PC: variants seen among roughly 807,000 people sequenced by gnomAD.
The protein encoded by PC is pyruvate carboxylase.
Under a neutral mutation model 107.8 loss-of-function variants are expected in PC, and 46 were observed. That is an observed-to-expected ratio of 0.43 (90% CI 0.34 to 0.55). The LOEUF (loss-of-function observed/expected upper bound fraction) is 0.55, where lower values mean the gene tolerates loss of function less well. PC is among the 20% of genes least tolerant of loss of function. The pLI is 0.04. For missense variants in PC, 1,241 were observed against 1,643.1 expected (o/e 0.76, Z 4.23); for synonymous variants, 662 against 684.7 (o/e 0.97, Z 0.52).
In PC at chr11:66,885,487, T is replaced by TAA. The variant is rs35717036; in HGVS notation, c.1-13330_1-13329dup. On this transcript the variant is annotated intron_variant, in intron 3 of 22. Transcript: ENST00000393960. ...GCCTGGGCAACAGTGAGACTCTGTC[T>TAA]AAAAAAAAAAAAAAAAAAAAGTGAC... Among the ~76,000 whole-genome samples, 519 of 104,224 alleles carry TAA rather than the reference T, an allele frequency of 5.0e-3. 4 individuals are homozygous for TAA. The highest frequency in any genetic ancestry group is 0.017 in the African/African-American group (476 of 28,586). 68.4% of individuals were successfully genotyped at this position (104,224 alleles called of 152,430 possible).
intron 3 of PC, among the ~76,000 whole-genome samples, chr11:66,914,975 T>C (rs760521139): frequency 6.6e-6 from 1 of 152,080 alleles, no homozygotes; most frequent in African/African-American, 2.4e-5. Flanking sequence ...AAGGCTGCAG[T>C]GAGCTATGAT....
chr11:66,850,445 C>A lies in PC; in HGVS notation c.2493G>T (p.Val831=). 1 of 1,613,936 alleles carries A rather than the reference C, an allele frequency of 6.2e-7. No homozygotes were observed. Among genetic ancestry groups the A allele is most frequent in the Non-Finnish European group, 8.5e-7 (1 of 1,179,980 alleles). Residue 831 remains valine, a synonymous_variant, in exon 19 of 23, where the codon GTG becomes GTT. Coordinates refer to ENST00000393960, the MANE Select transcript of PC (RefSeq NM_001040716.2). The stretch of plus-strand genomic sequence containing the variant: ...CCTCCCAGTACTCACTGTAGTCAAA[C>A]ACGCGCTCCATGGGCACCTCTGCAG... ...PLDTEVPMER[V]FDYSEYWEGA...
chr11:66,940,856 G>A (rs1441585171), intron 3 of PC, among the ~76,000 whole-genome samples: 1 of 152,024 alleles, frequency 6.6e-6, no homozygotes, highest in Non-Finnish European at 1.5e-5. Context: ...GGGAGGCTGA[G>A]GCAGGTGGTC....
chr11:66,860,654 C>A (rs1281887931), intron 12 of PC: 1 of 701,684 alleles, frequency 1.4e-6, no homozygotes, highest in Non-Finnish European at 2.6e-6. Flanking sequence ...AAGGGCTGTG[C>A]CTGGTGTCTT....
rs1172575569 is a variant in PC, at chr11:66,851,007, A to T, written c.2223+33T>A. The T allele has an allele frequency of 3.1e-6, 5 of 1,610,968 alleles. No homozygotes were observed. The South Asian group carries it at 5.5e-5, about 18-fold the overall frequency. Reference sequence around the variant, plus strand: ...TGGGTGGCGGGGACATGGCCGGGGCAGAGAGGGAGGGACGGACAAGTGGCC... The same window carrying T: ...TGGGTGGCGGGGACATGGCCGGGGCTGAGAGGGAGGGACGGACAAGTGGCC... On this transcript the variant is annotated intron_variant, in intron 17 of 22. Coordinates refer to ENST00000393960, the MANE Select transcript of PC (RefSeq NM_001040716.2).
In PC at chr11:66,851,929, C is replaced by T. The variant is rs773466708; in HGVS notation, c.1843G>A (p.Ala615Thr). The T allele has an allele frequency of 1.7e-5, 27 of 1,613,864 alleles. No homozygotes were observed. Among genetic ancestry groups the T allele is most frequent in the Middle Eastern group, 1.6e-4 (1 of 6,074 alleles). ...ENWGGATFDV[A>T]MRFLYECPWR... ...GGGCACTCATACAGGAAGCGCATGG[C>T]GACGTCAAACGTGGCTCCTGCACAG... The change falls in exon 16 of 23, where the codon GCC becomes ACC. Residue 615 changes from alanine (A) to threonine (T), a missense_variant. By Grantham distance (58) the Ala-to-Thr change is moderately conservative. Coordinates refer to ENST00000393960, the MANE Select transcript of PC (RefSeq NM_001040716.2).
chr11:66,898,476 T>C (rs1436994226), intron 3 of PC, among the ~76,000 whole-genome samples: 3 of 152,080 alleles, frequency 2.0e-5, no homozygotes, highest in Non-Finnish European at 4.4e-5. Flanking sequence ...AGTCAGGAGT[T>C]TAAGACCAGC....
At position 66,849,829 on chromosome 11, in the gene PC, G is replaced by C; in HGVS notation, c.2929C>G (p.Arg977Gly). 1 of 1,613,788 alleles carries C rather than the reference G, an allele frequency of 6.2e-7. No individual in the cohort carries two copies. Among genetic ancestry groups the C allele is most frequent in the East Asian group, 2.2e-5 (1 of 44,880 alleles). Residue 977 changes from arginine to glycine, a missense_variant, in exon 21 of 23, where the codon CGG (arginine) becomes GGG (glycine). Transcript: ENST00000393960. ...AGGGGAGGGAGGGAGGCTCCAGGCC[G>C]CCCCTCCACCCTTGGCAGGTCCTTC... ...VLKDLPRVEGRPGASLPPLDL... is the reference protein window; with the variant it reads ...VLKDLPRVEGGPGASLPPLDL...
intron 3 of PC, among the ~76,000 whole-genome samples, chr11:66,949,293 G>A (rs779086971): frequency 6.6e-6 from 1 of 151,790 alleles, no homozygotes; most frequent in South Asian, 2.1e-4. Context: ...ACCATGCCCG[G>A]CCAGAAGAAT....
intron 3 of PC, among the ~76,000 whole-genome samples, chr11:66,928,428 G>A (rs1948771105): frequency 6.7e-6 from 1 of 149,432 alleles, no homozygotes; most frequent in African/African-American, 2.5e-5. Context: ...CCTGAAATTA[G>A]CACCTACCAA....
At position 66,848,742 on chromosome 11, in the gene PC, T is replaced by G. The variant is rs1945293034; in HGVS notation, c.*157A>C. On this transcript the variant is annotated 3_prime_UTR_variant, in exon 23 of 23. Coordinates refer to ENST00000393960, the MANE Select transcript of PC (RefSeq NM_001040716.2). ...AGGAAAGGACGATGGCTGAAAGGAA[T>G]GAACCACCGCAGGCGGTGTCTCTCC... The G allele has an allele frequency of 1.2e-6, 1 of 837,680 alleles. No homozygotes were observed. The highest frequency in any genetic ancestry group is 1.9e-6 in the Non-Finnish European group (1 of 517,934). 51.9% of individuals were successfully genotyped at this position (837,680 alleles called of 1,614,324 possible).
At chr11:66,892,569 G>A (rs1404793684) in intron 3 of PC, among the ~76,000 whole-genome samples, 11 of 152,284 alleles carry the variant, frequency 7.2e-5, no homozygotes, top group South Asian at 2.1e-4. Flanking sequence ...AAATGTCGCC[G>A]GGCGCGGTGG....
intron 3 of PC, among the ~76,000 whole-genome samples, chr11:66,918,176 C>T (rs1192775677): frequency 6.6e-6 from 1 of 152,072 alleles, no homozygotes; most frequent in East Asian, 1.9e-4. Context: ...ATTCCCAAGT[C>T]CTGTAGAAGG....
At position 66,851,875 on chromosome 11, in the gene PC, G is replaced by C. The variant is rs1435401823; in HGVS notation, c.1897C>G (p.Leu633Val). 1 of 1,614,074 alleles carries C rather than the reference G, an allele frequency of 6.2e-7. No individual in the cohort carries two copies. Among genetic ancestry groups the C allele is most frequent in the Admixed American group, 1.7e-5 (1 of 60,022 alleles). ...ATCTGGAAAGGGATGTTGGGGATGA[G>C]CTCCCGGAGCTCCTGCAGCCGCCGC... The part of the protein sequence containing the change: ...PWRRLQELRE[L>V]IPNIPFQMLL... Residue 633 changes from leucine (L) to valine (V), a missense_variant, in exon 16 of 23, where the codon CTC becomes GTC. Physicochemically the swap from Leu to Val is conservative, Grantham distance 32 (BLOSUM62 1). Around this residue, in one of 2 missense-constraint regions of PC, gnomAD observed 1,143 missense variants for 1,551.9 expected, o/e 0.74. Coordinates refer to ENST00000393960, the MANE Select transcript of PC (RefSeq NM_001040716.2).
chr11:66,880,773 G>A (rs968694840), intron 3 of PC, among the ~76,000 whole-genome samples: 26 of 152,296 alleles, frequency 1.7e-4, no homozygotes, highest in Middle Eastern at 3.4e-3. Flanking sequence ...CTCCCTCTGC[G>A]GTCCCATGCT....
At position 66,859,918 on chromosome 11, in the gene PC, C is replaced by T. The variant is rs762658093; in HGVS notation, c.1368+3856G>A. On this transcript the variant is annotated intron_variant, in intron 12 of 22. Coordinates refer to ENST00000393960, the MANE Select transcript of PC (RefSeq NM_001040716.2). ...GCCTTGCTGGTTCGGGGCCGGGGGG[C>T]CGGAAATGGCCGCCTCCCCCTCAAG... 5.1e-6 allele frequency: 8 copies of T among 1,582,870 alleles called. No individual in the cohort carries two copies. The East Asian group carries it at 9.0e-5, about 18-fold the overall frequency.
In PC at chr11:66,850,921, G is replaced by A. The variant is rs1445463369; in HGVS notation, c.2226C>T (p.Asp742=). ...CCGTGGGCTTCAGCAGCCCGGCCAT[G>A]TCCTGGGGGAAGTGGGAGAGAGAGA... The part of the protein sequence containing the change: ...RAGTHILCIK[D]MAGLLKPTAC... The change falls in exon 18 of 23, where the codon GAC becomes GAT. Residue 742 remains aspartate (D), a splice_region_variant and synonymous_variant. Coordinates refer to ENST00000393960, the MANE Select transcript of PC (RefSeq NM_001040716.2). 5.6e-6 allele frequency: 9 copies of A among 1,608,756 alleles called. No individual in the cohort carries two copies. The East Asian group carries it at 2.0e-4, about 36-fold the overall frequency.
rs948532050 is a variant in PC, at chr11:66,857,465, C to T, written c.1369-4082G>A. On this transcript the variant is annotated intron_variant, in intron 12 of 22. Transcript: ENST00000393960. The surrounding 1 kb of genome is among the most constrained non-coding windows in gnomAD (Gnocchi z 7.1). ...AAAGGAAGTTCCGGGACCCTCCCTG[C>T]TCTCGGTCCTCCTCCGCTTCCTGCC... The T allele has an allele frequency of 1.5e-5, 6 of 412,386 alleles. No homozygotes were observed. Among genetic ancestry groups the T allele is most frequent in the Admixed American group, 1.2e-4 (3 of 24,774 alleles). The allele number at this position is 412,386 out of a possible 1,614,324, so 25.5% of individuals were successfully genotyped here. A position where few individuals can be genotyped will look rare whatever the true frequency, so the allele number is the denominator to read the frequency against.
intron 12 of PC, among the ~76,000 whole-genome samples, chr11:66,861,663 G>A (rs190349987): frequency 1.3e-5 from 2 of 152,226 alleles, no homozygotes; most frequent in Non-Finnish European, 2.9e-5. Context: ...GGGCACAGAC[G>A]GCAAAGGGAC....
Sources: gnomAD v4.1 joint callset for allele counts (sites outside exome capture counted in the v4.1 genomes callset) on GRCh38, gnomAD v4.1.1 for gene constraint, gnomAD v4.1.1 regional missense constraint, Gnocchi (gnomAD v3.1) non-coding constraint, MANE v1.5 for transcripts, NCBI Gene and HGNC (gene_info 2026-07-23, HGNC 2026-07-21) for gene names.